CSMD2: variants seen among roughly 807,000 people sequenced by gnomAD.
The protein encoded by CSMD2 is CUB and Sushi multiple domains 2, also known as CUB and sushi domain-containing protein 2.
CSMD2 carries 130 observed loss-of-function variants against 398.5 expected under a neutral mutation model. That is an observed-to-expected ratio of 0.33 (90% confidence interval 0.28 to 0.38). The LOEUF (loss-of-function observed/expected upper bound fraction) is 0.38, where lower values mean the gene tolerates loss of function less well. Ranked by LOEUF, CSMD2 falls within the 10% of genes least tolerant of loss-of-function variation. The pLI is 1.00. For missense variants in CSMD2, 3,829 were observed against 4,764.9 expected (o/e 0.80, Z 5.78); for synonymous variants, 1,828 against 1,908.5 (o/e 0.96, Z 1.10).
chr1:34,009,120 C>G (rs1647161212), intron 3 of CSMD2, among the ~76,000 whole-genome samples: 1 of 152,050 alleles, frequency 6.6e-6, no homozygotes, highest in Admixed American at 6.6e-5. Context: ...TTCTCAGGAC[C>G]CTTTCTCTCT....
chr1:33,594,155 C>T (rs1177441723), intron 44 of CSMD2, among the ~76,000 whole-genome samples: 2 of 152,170 alleles, frequency 1.3e-5, no homozygotes, highest in African/African-American at 4.8e-5. Flanking sequence ...TATCAACACT[C>T]CATTTTTATC....
intron 6 of CSMD2, 152 bp from the exon 7 acceptor site, chr1:33,825,926 T>G: frequency 1.6e-6 from 1 of 636,798 alleles, no homozygotes; most frequent in Non-Finnish European, 2.7e-6. Context: ...AGGGTAGTGG[T>G]CAAGGGCAAT....
intron 42 of CSMD2, among the ~76,000 whole-genome samples, chr1:33,603,726 C>T (rs949711804): frequency 7.2e-5 from 11 of 152,098 alleles, no homozygotes; most frequent in Admixed American, 4.6e-4. Context: ...ATGAATGCCA[C>T]GGGGGTGTTT....
chr1:33,722,077 C>T (rs917324722), intron 19 of CSMD2, among the ~76,000 whole-genome samples: 3 of 152,074 alleles, frequency 2.0e-5, no homozygotes, highest in African/African-American at 7.2e-5. Context: ...TATGGCCATA[C>T]CCTATGTTTA....
intron 12 of CSMD2, among the ~76,000 whole-genome samples, chr1:33,780,417 AC>A (rs1158348038): frequency 1.3e-5 from 2 of 152,166 alleles, no homozygotes; most frequent in African/African-American, 4.8e-5. Flanking sequence ...TTTTCTGCAC[AC>A]GATTGCCACA....
At chr1:33,782,488 G>T (rs577497779) in intron 12 of CSMD2, among the ~76,000 whole-genome samples, 1 of 152,246 alleles carries the variant, frequency 6.6e-6, no homozygotes, top group South Asian at 2.1e-4. Flanking sequence ...CTCATTGATG[G>T]GGAGAGACTG....
intron 66 of CSMD2, among the ~76,000 whole-genome samples, chr1:33,523,838 G>T (rs761512550): frequency 1.3e-5 from 2 of 152,204 alleles, no homozygotes; most frequent in African/African-American, 2.4e-5. Flanking sequence ...CTGCAGTTGC[G>T]TAGGTGTGTG....
intron 44 of CSMD2, among the ~76,000 whole-genome samples, chr1:33,594,122 G>C (rs540914736): frequency 3.3e-5 from 5 of 152,142 alleles, no homozygotes; most frequent in Admixed American, 3.3e-4. Flanking sequence ...TTATTATTTA[G>C]CTTTAAGTCT....
At chr1:33,667,834 C>T (rs769217650) in intron 25 of CSMD2, among the ~76,000 whole-genome samples, 9 of 152,170 alleles carry the variant, frequency 5.9e-5, no homozygotes, top group African/African-American at 9.7e-5. Flanking sequence ...AAGCCCCTTT[C>T]GGCACTCATT....
At chr1:33,714,192 A>T (rs1646084687) in intron 21 of CSMD2, among the ~76,000 whole-genome samples, 1 of 152,144 alleles carries the variant, frequency 6.6e-6, no homozygotes, top group Non-Finnish European at 1.5e-5. Context: ...CCCTGGGCAA[A>T]GGTCATATAC....
At chr1:33,752,832 T>C (rs757655823) in intron 13 of CSMD2, among the ~76,000 whole-genome samples, 3 of 152,188 alleles carry the variant, frequency 2.0e-5, no homozygotes, top group Non-Finnish European at 4.4e-5. Flanking sequence ...TTATGGGGAA[T>C]TGGTGTAGAG....
At chr1:33,964,101 G>A (rs1001123038) in intron 3 of CSMD2, among the ~76,000 whole-genome samples, 1 of 152,230 alleles carries the variant, frequency 6.6e-6, no homozygotes, top group Non-Finnish European at 1.5e-5. Context: ...CTAATGTGGG[G>A]TTGGGGATTA....
intron 2 of CSMD2, among the ~76,000 whole-genome samples, chr1:34,046,265 T>C (rs1170306047): frequency 6.6e-6 from 1 of 152,232 alleles, no homozygotes; most frequent in Non-Finnish European, 1.5e-5. Flanking sequence ...AGGAAACACA[T>C]ACCATTAGCA....
At chr1:34,016,987 G>A (rs1039985832) in intron 3 of CSMD2, among the ~76,000 whole-genome samples, 2 of 152,100 alleles carry the variant, frequency 1.3e-5, no homozygotes, top group Non-Finnish European at 2.9e-5. Flanking sequence ...GTACGTGATC[G>A]TTTAACTGGC....
At chr1:33,628,349 G>C (rs1374381049) in intron 32 of CSMD2, among the ~76,000 whole-genome samples, 1 of 152,130 alleles carries the variant, frequency 6.6e-6, no homozygotes, top group Non-Finnish European at 1.5e-5. Flanking sequence ...TTCAGAAAGA[G>C]AAGACAGAGA....
chr1:34,125,432 C>T (rs970740581), intron 1 of CSMD2, among the ~76,000 whole-genome samples: 11 of 152,078 alleles, frequency 7.2e-5, no homozygotes, highest in African/African-American at 2.2e-4. Context: ...GCAGGTATGG[C>T]GCTCACATGT....
intron 1 of CSMD2, among the ~76,000 whole-genome samples, chr1:34,092,599 G>A (rs1283540975): frequency 5.3e-5 from 8 of 152,204 alleles, no homozygotes; most frequent in Non-Finnish European, 7.3e-5. Flanking sequence ...CACTCGGGAC[G>A]TGCAAGGGGG....
chr1:33,529,011 G>T (rs1255904169), intron 64 of CSMD2, among the ~76,000 whole-genome samples: 3 of 152,146 alleles, frequency 2.0e-5, no homozygotes, highest in African/African-American at 7.2e-5. Context: ...TCTCTAGTTT[G>T]CAGAAATTGA....
chr1:33,934,323 C>T (rs544896585), intron 4 of CSMD2, among the ~76,000 whole-genome samples: 48 of 152,246 alleles, frequency 3.2e-4, no homozygotes, highest in African/African-American at 1.1e-3. Flanking sequence ...GCAAAGGTTT[C>T]TTAAGAGGTC....
Sources: gnomAD v4.1 joint callset for allele counts (sites outside exome capture counted in the v4.1 genomes callset) on GRCh38, gnomAD v4.1.1 for gene constraint, MANE v1.5 for transcripts, NCBI Gene and HGNC (gene_info 2026-07-23, HGNC 2026-07-21) for gene names.